CCL28: variants seen among roughly 807,000 people sequenced by gnomAD.
The protein encoded by CCL28 is C-C motif chemokine 28.
CCL28 carries 4 observed loss-of-function variants against 7.1 expected under a neutral mutation model. The ratio of observed to expected loss-of-function variants is 0.56; its 90% CI spans 0.28 to 1.29. CCL28 has a LOEUF of 1.29. Ranked by LOEUF, CCL28 falls within the 50% of genes most tolerant of loss-of-function variation. The pLI is 0.11. For synonymous variants in CCL28, 55 were observed against 57.8 expected, an observed-to-expected ratio of 0.95 and a Z score of 0.22; for missense variants, 151 against 163.4, an observed-to-expected ratio of 0.92 and a Z score of 0.41.
At chr5:43,407,528 A>C (rs1053951738) in intron 1 of CCL28, among the ~76,000 whole-genome samples, 5 of 152,198 alleles carry the variant, frequency 3.3e-5, no homozygotes, top group Admixed American at 6.5e-5. Flanking sequence ...TAGACCAAAA[A>C]CCATGAAAAC....
intron 1 of CCL28, among the ~76,000 whole-genome samples, chr5:43,399,898 C>T (rs575103392): frequency 2.7e-5 from 4 of 149,506 alleles, no homozygotes; most frequent in South Asian, 2.1e-4. Context: ...CAGGCTGGAG[C>T]GCAATGGTGT....
chr5:43,375,281 G>A (rs920976718), downstream of CCL28, among the ~76,000 whole-genome samples: 2 of 142,402 alleles, frequency 1.4e-5, no homozygotes, highest in Admixed American at 7.6e-5. Context: ...GAGCCACTGC[G>A]CCCAACCAAT....
the CCL28 span, among the ~76,000 whole-genome samples, chr5:43,360,277 T>C: frequency 1.3e-5 from 2 of 152,170 alleles, no homozygotes; most frequent in African/African-American, 2.4e-5. Context: ...TTTTATCACA[T>C]GATTTTTTGG....
downstream of CCL28, among the ~76,000 whole-genome samples, chr5:43,378,690 C>T (rs192199768): frequency 3.3e-5 from 5 of 152,248 alleles, no homozygotes; most frequent in African/African-American, 7.2e-5. Context: ...TGGCCGGGCG[C>T]GGTGGCTCAC....
chr5:43,403,456 G>A (rs1287477254), intron 1 of CCL28, among the ~76,000 whole-genome samples: 1 of 152,194 alleles, frequency 6.6e-6, no homozygotes, highest in South Asian at 2.1e-4. Context: ...GGTCCTGACT[G>A]TCAGAAGGAA....
the CCL28 span, among the ~76,000 whole-genome samples, chr5:43,365,807 G>A: frequency 6.6e-6 from 1 of 152,156 alleles, no homozygotes; most frequent in African/African-American, 2.4e-5. Flanking sequence ...ATCAAACATA[G>A]GTTTGGCCTT....
At chr5:43,376,315 G>A (rs548395324), downstream of CCL28, among the ~76,000 whole-genome samples, 1 of 152,120 alleles carries the variant, frequency 6.6e-6, no homozygotes, top group South Asian at 2.1e-4. Context: ...CTCCCCAGGG[G>A]ACATTTGGCA....
chr5:43,384,698 A>C (rs895663577), intron 2 of CCL28, among the ~76,000 whole-genome samples: 2 of 151,962 alleles, frequency 1.3e-5, no homozygotes, highest in Non-Finnish European at 2.9e-5. Context: ...ATGGACGTAA[A>C]GGGGTGGCCC....
rs114522383 is a variant in CCL28, at chr5:43,402,066, C to G, written c.64+10187G>C. The stretch of plus-strand genomic sequence containing the variant: ...GAGATGCTTCCCTGTGAAGGACTTT[C>G]CCCTGCAAACTAGAAGGTGGATATC... On this transcript the variant is annotated intron_variant, in intron 1 of 2. Transcript: ENST00000361115. 5.9e-3 allele frequency among the ~76,000 whole-genome samples: 896 copies of G among 152,284 alleles called. 4 individuals carry two copies. Among genetic ancestry groups the G allele is most frequent in the African/African-American group, 8.1e-3 (335 of 41,568 alleles).
At chr5:43,396,416 A>G in intron 1 of CCL28, among the ~76,000 whole-genome samples, 1 of 152,198 alleles carries the variant, frequency 6.6e-6, no homozygotes, top group East Asian at 1.9e-4. Context: ...GCAGCTTAGT[A>G]GGTTTCAGCC....
At chr5:43,385,908 C>A (rs906321533) in intron 2 of CCL28, among the ~76,000 whole-genome samples, 1 of 152,174 alleles carries the variant, frequency 6.6e-6, no homozygotes, top group African/African-American at 2.4e-5. Context: ...ATCTCTGACA[C>A]CTGCTTATCC....
At chr5:43,387,119 C>A (rs951214268) in intron 2 of CCL28, among the ~76,000 whole-genome samples, 1 of 152,192 alleles carries the variant, frequency 6.6e-6, no homozygotes, top group African/African-American at 2.4e-5. Flanking sequence ...GGTGTTAAAA[C>A]CAGCATGCCA....
chr5:43,357,373 C>T, the CCL28 span, among the ~76,000 whole-genome samples: 18 of 152,280 alleles, frequency 1.2e-4, no homozygotes, highest in African/African-American at 4.1e-4. Flanking sequence ...GCCAATGATT[C>T]AGTATACAGC....
intron 2 of CCL28, among the ~76,000 whole-genome samples, chr5:43,386,939 A>G (rs1740360615): frequency 6.6e-6 from 1 of 152,256 alleles, no homozygotes; most frequent in Non-Finnish European, 1.5e-5. Context: ...CATCCCCAGC[A>G]TATAGAACAG....
At chr5:43,365,357 C>T in the CCL28 span, among the ~76,000 whole-genome samples, 2 of 152,040 alleles carry the variant, frequency 1.3e-5, no homozygotes, top group African/African-American at 4.8e-5. Flanking sequence ...GGGCATTTAG[C>T]CCATTTACAT....
At chr5:43,387,757 C>G (rs1740400606) in intron 2 of CCL28, among the ~76,000 whole-genome samples, 1 of 152,280 alleles carries the variant, frequency 6.6e-6, no homozygotes, top group Admixed American at 6.5e-5. Flanking sequence ...TCCCAAGTAG[C>G]TGGGACTACA....
At chr5:43,376,629 C>G (rs1205012181), downstream of CCL28, 1 of 152,222 alleles carries the variant, frequency 6.6e-6, no homozygotes, top group Non-Finnish European at 1.5e-5. Context: ...CAGACTGATA[C>G]ATTGAGACAG....
chr5:43,392,678 C>A (rs1740624856), intron 1 of CCL28, among the ~76,000 whole-genome samples: 1 of 152,148 alleles, frequency 6.6e-6, no homozygotes, highest in African/African-American at 2.4e-5. Context: ...AAAATGTTGC[C>A]AATCTGATGG....
At chr5:43,372,033 C>CT (rs1024482092), downstream of CCL28, among the ~76,000 whole-genome samples, 9 of 152,214 alleles carry the variant, frequency 5.9e-5, no homozygotes, top group Admixed American at 2.0e-4. Flanking sequence ...GTGCCAGGCT[C>CT]TTTTTTTAAC....
Sources: allele counts gnomAD v4.1 joint callset (sites outside exome capture counted in the v4.1 genomes callset), GRCh38; gene constraint gnomAD v4.1.1; transcripts MANE v1.5; gene names NCBI Gene and HGNC (gene_info 2026-07-23, HGNC 2026-07-21).